Variants in ESRP1 observed in about 807,000 individuals in gnomAD.
The protein encoded by ESRP1 is RNA-binding motif protein 35A.
ESRP1 carries 33 observed loss-of-function variants against 81.7 expected under a neutral mutation model. That is an observed-to-expected ratio of 0.40 (90% confidence interval 0.31 to 0.54). The LOEUF (loss-of-function observed/expected upper bound fraction) is 0.54. ESRP1 is among the 20% of genes least tolerant of loss of function. The probability of loss-of-function intolerance (pLI) is 0.41; values close to 1 mark genes in which losing one functional copy is unlikely to be tolerated. For synonymous variants in ESRP1, 320 were observed against 303.3 expected (o/e 1.06, Z -0.57); for missense variants, 672 against 833.1 (o/e 0.81, Z 2.38).
At chr8:94,661,135 G>T (rs761428209) in intron 4 of ESRP1, among the ~76,000 whole-genome samples, 1 of 152,112 alleles carries the variant, frequency 6.6e-6, no homozygotes, top group Non-Finnish European at 1.5e-5. Flanking sequence ...CCACCTCCCG[G>T]GTTCAAGCGA....
At chr8:94,643,556 GT>G in intron 3 of ESRP1, 140 bp downstream of exon 3, 1 of 562,336 alleles carries the variant, frequency 1.8e-6, no homozygotes, top group South Asian at 2.5e-5. Flanking sequence ...CAGAATTTCA[GT>G]TTGGGAAGAT....
At chr8:94,642,210 G>A in intron 2 of ESRP1, 126 bp downstream of exon 2, 1 of 1,229,956 alleles carries the variant, frequency 8.1e-7, no homozygotes, top group South Asian at 1.5e-5. Flanking sequence ...GGCCGCGTGG[G>A]TGGGAGCCCA....
intron 4 of ESRP1, among the ~76,000 whole-genome samples, chr8:94,650,691 A>T (rs1340994432): frequency 2.6e-5 from 4 of 152,028 alleles, no homozygotes; most frequent in Non-Finnish European, 1.5e-5. Context: ...GCAGGTTTTC[A>T]TATGGACATA....
intron 13 of ESRP1, among the ~76,000 whole-genome samples, chr8:94,684,876 A>C (rs1202855754): frequency 6.6e-6 from 1 of 151,962 alleles, no homozygotes; most frequent in Non-Finnish European, 1.5e-5. Context: ...GGCATGCAAA[A>C]AATTTAAGTT....
chr8:94,683,886 G>C (rs1809026915), intron 13 of ESRP1, among the ~76,000 whole-genome samples: 1 of 152,140 alleles, frequency 6.6e-6, no homozygotes, highest in Admixed American at 6.5e-5. Context: ...ATGACCCTTT[G>C]CTAATGTAAA....
In ESRP1 at chr8:94,655,060, G is replaced by GTTTT. The variant is rs139506660; in HGVS notation, c.491-7209_491-7206dup. Among the ~76,000 whole-genome samples the GTTTT allele has an allele frequency of 8.4e-3, 1,234 of 146,692 alleles. 12 individuals are homozygous for GTTTT. Among genetic ancestry groups the GTTTT allele is most frequent in the East Asian group, 0.052 (255 of 4,904 alleles). Reference sequence around the variant, plus strand: ...TATCTGTGTCTGTGAGGTTTTTTGGGTTTTTTGTGTGTGTGTGTGTGTGTG... The same window carrying GTTTT: ...TATCTGTGTCTGTGAGGTTTTTTGGGTTTTTTTTTTGTGTGTGTGTGTGTGTGTG... On this transcript the variant is annotated intron_variant, in intron 4 of 15. Coordinates refer to ENST00000433389, the MANE Select transcript of ESRP1 (RefSeq NM_017697.4).
chr8:94,658,402 G>A (rs1312804412), intron 4 of ESRP1, among the ~76,000 whole-genome samples: 3 of 152,180 alleles, frequency 2.0e-5, no homozygotes, highest in Non-Finnish European at 4.4e-5. Flanking sequence ...GAAGATGGGG[G>A]CCTACACCCA....
At chr8:94,647,150 T>C (rs1394878093) in intron 4 of ESRP1, among the ~76,000 whole-genome samples, 4 of 152,226 alleles carry the variant, frequency 2.6e-5, no homozygotes, top group Admixed American at 2.6e-4. Flanking sequence ...TTTTTCCTGA[T>C]TGAAGTTTGC....
intron 13 of ESRP1, among the ~76,000 whole-genome samples, chr8:94,682,904 T>TTTTATATATATATA (rs1452052553): frequency 6.7e-5 from 2 of 29,842 alleles, no homozygotes; most frequent in African/African-American, 3.6e-4. Context: ...ATTCATTATT[T>TTTTATATATATATA]TATATATATA....
rs34541416 is a variant in ESRP1, at chr8:94,704,175, C to CTTTTTTT, written c.*36-1740_*36-1734dup. Among the ~76,000 whole-genome samples, 137 of 128,992 alleles carry CTTTTTTT rather than the reference C, an allele frequency of 1.1e-3. 4 individuals are homozygous for CTTTTTTT. The highest frequency in any genetic ancestry group is 3.7e-3 in the African/African-American group (126 of 33,632). 84.6% of individuals were successfully genotyped at this position (128,992 alleles called of 152,430 possible). ...AATTAATCTTCATGTGCTTCTGAGA[C>CTTTTTTT]TTTTTTTTTTTTTTTTGCTAGCAGT... is the stretch of plus-strand genomic sequence containing the variant. On this transcript the variant is annotated intron_variant, in intron 15 of 15. Transcript: ENST00000433389.
intron 13 of ESRP1, among the ~76,000 whole-genome samples, chr8:94,681,203 A>G (rs915433794): frequency 2.4e-4 from 36 of 151,676 alleles, no homozygotes; most frequent in Admixed American, 7.2e-4. Flanking sequence ...ATGGGTGCCT[A>G]TAGTCCCAGC....
intron 15 of ESRP1, among the ~76,000 whole-genome samples, chr8:94,698,959 C>T (rs763789623): frequency 5.3e-5 from 8 of 151,916 alleles, no homozygotes; most frequent in Non-Finnish European, 8.8e-5. Flanking sequence ...GAATGCTTTG[C>T]GGTGGTAATG....
chr8:94,692,636 T>A, intron 13 of ESRP1, 41 bp from the exon 14 acceptor site: 5 of 1,588,348 alleles, frequency 3.1e-6, no homozygotes. Flanking sequence ...TATTCAACAT[T>A]GTCTATTCCT....
Position 94,694,465 on chromosome 8 carries a change from G to A in ESRP1, c.1971+1638G>A, listed in dbSNP as rs541599949. Among the ~76,000 whole-genome samples, 231 of 152,258 alleles carry A rather than the reference G, an allele frequency of 1.5e-3. 1 individual carries two copies. The highest frequency in any genetic ancestry group is 2.6e-3 in the Non-Finnish European group (177 of 68,020). ...CTAAAAATACAAAAACTAGCCAGGCGTGGTGGCATTCGCCTGTAGTCGCAG... is the reference window on the plus strand; with the variant it reads ...CTAAAAATACAAAAACTAGCCAGGCATGGTGGCATTCGCCTGTAGTCGCAG... On this transcript the variant is annotated intron_variant, in intron 14 of 15. Coordinates refer to ENST00000433389, the MANE Select transcript of ESRP1 (RefSeq NM_017697.4).
chr8:94,662,606 T>G (rs985538345), intron 6 of ESRP1, 51 bp downstream of exon 6: 4 of 1,472,788 alleles, frequency 2.7e-6, no homozygotes, highest in Admixed American at 4.4e-5. Flanking sequence ...TTTTTTTTTT[T>G]TGTCTGTTTG....
intron 3 of ESRP1, among the ~76,000 whole-genome samples, chr8:94,644,435 A>G (rs954759479): frequency 6.6e-6 from 1 of 152,224 alleles, no homozygotes; most frequent in Non-Finnish European, 1.5e-5. Flanking sequence ...AAAAGTTTGA[A>G]GGAGTAACTC....
chr8:94,670,017 T>G (rs1371336390), intron 10 of ESRP1, among the ~76,000 whole-genome samples: 1 of 152,222 alleles, frequency 6.6e-6, no homozygotes, highest in Non-Finnish European at 1.5e-5. Context: ...AGATCTTTAT[T>G]TGGAAAGAGA....
At chr8:94,703,988 C>A (rs752391161) in intron 15 of ESRP1, among the ~76,000 whole-genome samples, 5 of 152,160 alleles carry the variant, frequency 3.3e-5, no homozygotes, top group Non-Finnish European at 7.4e-5. Context: ...AGAAGCCTTT[C>A]AGCATGTGGT....
At chr8:94,643,473 T>C (rs1586167726) in intron 3 of ESRP1, 57 bp downstream of exon 3, 2 of 1,174,632 alleles carry the variant, frequency 1.7e-6, no homozygotes, top group East Asian at 4.7e-5. Context: ...GACTGGAGGT[T>C]TTTAAAAATT....
Sources: allele counts gnomAD v4.1 joint callset (sites outside exome capture counted in the v4.1 genomes callset), GRCh38; gene constraint gnomAD v4.1.1; transcripts MANE v1.5; gene names NCBI Gene and HGNC (gene_info 2026-07-23, HGNC 2026-07-21).